ADGRL4: variants seen among roughly 807,000 people sequenced by gnomAD.
ADGRL4 encodes EGF, latrophilin and seven transmembrane domain containing 1.
ADGRL4 carries 90 observed loss-of-function variants against 74.8 expected under a neutral mutation model. The ratio of observed to expected loss-of-function variants is 1.20; its 90% confidence interval spans 1.02 to 1.43. The LOEUF (loss-of-function observed/expected upper bound fraction) is 1.43. Ranked by LOEUF, ADGRL4 falls within the 40% of genes most tolerant of loss-of-function variation. The pLI is 0.00. For missense variants in ADGRL4, 881 were observed against 814.3 expected (o/e 1.08, Z -1.00); for synonymous variants, 311 against 279.2 (o/e 1.11, Z -1.14).
rs186250967 is a variant in ADGRL4 at position 78,936,394 on chromosome 1, A to G, written c.778T>C (p.Phe260Leu). Residue 260 changes from phenylalanine (F) to leucine (L), a missense_variant, in exon 7 of 15, where the codon TTT (phenylalanine) becomes CTT (leucine). By Grantham distance (22) the Phe-to-Leu change is conservative (BLOSUM62 0). Coordinates refer to ENST00000370742, the MANE Select transcript of ADGRL4 (RefSeq NM_022159.4). ...STDIALKVFFFDSYNMKHIHP... is the reference protein window; with the variant it reads ...STDIALKVFFLDSYNMKHIHP... ...ATATGTTTCATGTTATATGAATCAA[A>G]AAAGAAAACTTTGAGAGCTGAAACA... is the stretch of plus-strand genomic sequence containing the variant. The G allele has an allele frequency of 8.3e-6, 13 of 1,571,208 alleles. No individual in the cohort carries two copies. The East Asian group carries it at 1.6e-4, about 20-fold the overall frequency.
chr1:78,960,080 C>T (rs1424386039), intron 2 of ADGRL4, among the ~76,000 whole-genome samples: 1 of 152,086 alleles, frequency 6.6e-6, no homozygotes, highest in Admixed American at 6.6e-5. Context: ...CCAAAAAACA[C>T]AAAGATGAAT....
intron 2 of ADGRL4, among the ~76,000 whole-genome samples, chr1:78,954,792 G>C (rs973737930): frequency 2.0e-5 from 3 of 152,042 alleles, no homozygotes; most frequent in Non-Finnish European, 4.4e-5. Flanking sequence ...AAAAGCTATA[G>C]AGAAACAAAT....
intron 2 of ADGRL4, among the ~76,000 whole-genome samples, chr1:78,962,317 TTC>T (rs1316065616): frequency 6.6e-6 from 1 of 152,180 alleles, no homozygotes; most frequent in African/African-American, 2.4e-5. Context: ...TACATATTTT[TTC>T]CTCCACATAT....
rs575418194 is a variant in ADGRL4 at position 78,990,949 on chromosome 1, A to G, written c.172+14121T>C. 5.3e-5 allele frequency among the ~76,000 whole-genome samples: 8 copies of G among 152,152 alleles called. No homozygotes were observed. The South Asian group carries it at 8.3e-4, about 16-fold the overall frequency. ...ACAACTCTCTTATTTCAAAATATCA[A>G]TAATTTGCCACAAAGGCAAAACTAT... On this transcript the variant is annotated intron_variant, in intron 2 of 14. Coordinates refer to ENST00000370742, the MANE Select transcript of ADGRL4 (RefSeq NM_022159.4).
rs916300805 is a variant in ADGRL4, at chr1:78,983,133, C to T, written c.172+21937G>A. Among the ~76,000 whole-genome samples the T allele has an allele frequency of 1.3e-4, 20 of 151,742 alleles. No homozygotes were observed. The South Asian group carries it at 1.5e-3, about 11-fold the overall frequency. ...AAGGTAGGGTGGCTGAGAGAACAAACGAATATTCTTCCTGTATAGAAAGGT... is the reference window on the plus strand; with the variant it reads ...AAGGTAGGGTGGCTGAGAGAACAAATGAATATTCTTCCTGTATAGAAAGGT... On this transcript the variant is annotated intron_variant, in intron 2 of 14. Transcript: ENST00000370742.
In ADGRL4 at chr1:78,964,228, C is replaced by T. The variant is rs80192330; in HGVS notation, c.173-17802G>A. 5.3e-4 allele frequency among the ~76,000 whole-genome samples: 81 copies of T among 152,322 alleles called. 1 individual carries two copies. The East Asian group carries it at 0.013, about 24-fold the overall frequency. Reference sequence around the variant, plus strand: ...TGAATGCTCAATGAATGTTCAAGATCAGAGTGATCCTGCTATTATTGTAAA... The same window carrying T: ...TGAATGCTCAATGAATGTTCAAGATTAGAGTGATCCTGCTATTATTGTAAA... On this transcript the variant is annotated intron_variant, in intron 2 of 14. Transcript: ENST00000370742.
intron 2 of ADGRL4, among the ~76,000 whole-genome samples, chr1:78,951,343 A>G (rs12038202): frequency 6.6e-6 from 1 of 152,148 alleles, no homozygotes; most frequent in African/African-American, 2.4e-5. Context: ...AAAAATGAAA[A>G]AGGAAGCCTC....
rs1650751438 is a variant in ADGRL4, at chr1:78,997,946, G to GAGTTGCTTCCAGGC, written c.172+7110_172+7123dup. 2.0e-5 allele frequency among the ~76,000 whole-genome samples: 3 copies of GAGTTGCTTCCAGGC among 152,162 alleles called. No homozygotes were observed. In the South Asian group the frequency reaches 6.2e-4, roughly 32 times the overall value. ...AGGTGGCATCAATTTTCAGTCTCAAGAGTTGCTTCCAGGCAGATGACCAAG... is the reference window on the plus strand; with the variant it reads ...AGGTGGCATCAATTTTCAGTCTCAAGAGTTGCTTCCAGGCAGTTGCTTCCAGGCAGATGACCAAG... On this transcript the variant is annotated intron_variant, in intron 2 of 14. Transcript: ENST00000370742.
intron 12 of ADGRL4, among the ~76,000 whole-genome samples, chr1:78,909,632 A>G (rs987183949): frequency 6.6e-6 from 1 of 151,874 alleles, no homozygotes; most frequent in African/African-American, 2.4e-5. Context: ...TATTTTTATT[A>G]TCTACCTCAG....
intron 2 of ADGRL4, among the ~76,000 whole-genome samples, chr1:78,996,136 G>A (rs1650707249): frequency 6.6e-6 from 1 of 152,174 alleles, no homozygotes. Context: ...TTAAATGAAA[G>A]TAGATGGATG....
At chr1:78,955,160 T>G (rs1649803524) in intron 2 of ADGRL4, among the ~76,000 whole-genome samples, 1 of 152,100 alleles carries the variant, frequency 6.6e-6, no homozygotes, top group Admixed American at 6.6e-5. Flanking sequence ...ATTTCTATAA[T>G]CATGTTGAGA....
At chr1:78,946,673 A>C (rs1467466315) in intron 2 of ADGRL4, among the ~76,000 whole-genome samples, 2 of 152,172 alleles carry the variant, frequency 1.3e-5, no homozygotes, top group African/African-American at 4.8e-5. Context: ...ATAACTATTA[A>C]ATCTATATGG....
intron 12 of ADGRL4, among the ~76,000 whole-genome samples, chr1:78,906,783 T>C (rs1038083129): frequency 2.0e-5 from 3 of 151,968 alleles, no homozygotes; most frequent in Admixed American, 6.6e-5. Context: ...AGTTGCTCGC[T>C]GAGAAGCTAA....
chr1:78,935,769 A>T (rs1649339704), intron 7 of ADGRL4, among the ~76,000 whole-genome samples: 1 of 152,274 alleles, frequency 6.6e-6, no homozygotes, highest in African/African-American at 2.4e-5. Flanking sequence ...AAGGACCCAG[A>T]TATTGTCAGC....
chr1:78,891,767 G>A, intron 13 of ADGRL4, 75 bp from the exon 14 acceptor site: 1 of 1,337,318 alleles, frequency 7.5e-7, no homozygotes, highest in Non-Finnish European at 1.0e-6. Context: ...CTCAAATTAT[G>A]TGGGAGGTGA....
chr1:78,938,206 G>C lies in ADGRL4; in HGVS notation c.470C>G (p.Thr157Arg), dbSNP rs370945278. ...TATTTCTATATATGTAATTATATCT[G>C]TTGGTGAAAGATCTGTCACAGAATT... ...YRNSVTDLSPTDIITYIEILA... is the reference protein window; with the variant it reads ...YRNSVTDLSPRDIITYIEILA... The change falls in exon 5 of 15, where the codon ACA becomes AGA. Residue 157 changes from threonine to arginine, a missense_variant. Thr to Arg is a moderately conservative substitution (Grantham distance 71). Coordinates refer to ENST00000370742, the MANE Select transcript of ADGRL4 (RefSeq NM_022159.4). 2.1e-5 allele frequency: 34 copies of C among 1,611,310 alleles called. No individual in the cohort carries two copies. The highest frequency in any genetic ancestry group is 2.8e-5 in the Non-Finnish European group (33 of 1,178,926).
rs181967495 is a variant in ADGRL4, at chr1:78,932,258, G to A, written c.877+4037C>T. ...TACAGTGCATTCAAATTAGAATGCA[G>A]GAATAAGAAACTCACTCAAAACCAT... On this transcript the variant is annotated intron_variant, in intron 7 of 14. Transcript: ENST00000370742. Among the ~76,000 whole-genome samples, 131 of 151,490 alleles carry A rather than the reference G, an allele frequency of 8.6e-4. 3 individuals carry two copies. The East Asian group carries it at 0.015, about 18-fold the overall frequency.
intron 2 of ADGRL4, among the ~76,000 whole-genome samples, chr1:78,997,401 G>A (rs1570279578): frequency 6.6e-6 from 1 of 152,146 alleles, no homozygotes. Context: ...GCACTGGCTT[G>A]CATTACTGAC....
At chr1:78,975,894 C>G (rs1650268110) in intron 2 of ADGRL4, among the ~76,000 whole-genome samples, 1 of 151,804 alleles carries the variant, frequency 6.6e-6, no homozygotes, top group Non-Finnish European at 1.5e-5. Flanking sequence ...TCATTAGTAG[C>G]AGCAACAAAA....
Sources: allele counts gnomAD v4.1 joint callset (sites outside exome capture counted in the v4.1 genomes callset), GRCh38; gene constraint gnomAD v4.1.1; transcripts MANE v1.5; gene names NCBI Gene and HGNC (gene_info 2026-07-23, HGNC 2026-07-21).